Variants in NKAIN2 observed in about 807,000 individuals in gnomAD.
NKAIN2 encodes sodium/potassium-transporting ATPase subunit beta-1-interacting protein 2.
In NKAIN2, 14 loss-of-function variants were observed where a neutral mutation model predicts 32.6. The observed-to-expected ratio is 0.43, with a 90% CI of 0.28 to 0.67. The LOEUF is 0.67. NKAIN2 is among the 30% of genes least tolerant of loss of function. NKAIN2 has a pLI of 0.17. For synonymous variants in NKAIN2, 80 were observed against 87.2 expected, an observed-to-expected ratio of 0.92 and a Z score of 0.46; for missense variants, 198 against 258.3, an observed-to-expected ratio of 0.77 and a Z score of 1.60.
intron 3 of NKAIN2, among the ~76,000 whole-genome samples, chr6:124,644,373 C>A (rs2114369015): frequency 6.6e-6 from 1 of 151,564 alleles, no homozygotes; most frequent in East Asian, 1.9e-4. Flanking sequence ...CGAATGCATC[C>A]AGAGTGTAAA....
At chr6:124,821,832 G>A (rs1237636454) in intron 6 of NKAIN2, among the ~76,000 whole-genome samples, 3 of 152,070 alleles carry the variant, frequency 2.0e-5, no homozygotes, top group Admixed American at 6.6e-5. Context: ...AGGAGACCTC[G>A]GATCCTAGAA....
chr6:124,710,268 G>T (rs1324365561), intron 4 of NKAIN2, among the ~76,000 whole-genome samples: 3 of 151,632 alleles, frequency 2.0e-5, no homozygotes, highest in African/African-American at 7.3e-5. Flanking sequence ...GTCAATTTTG[G>T]AATAGGTGTG....
At chr6:124,000,277 G>A (rs1779821025) in intron 1 of NKAIN2, among the ~76,000 whole-genome samples, 1 of 151,978 alleles carries the variant, frequency 6.6e-6, no homozygotes, top group Non-Finnish European at 1.5e-5. Context: ...AAAAGTCCCA[G>A]ATAAAGTGTA....
At chr6:123,855,826 T>C (rs558631189) in intron 1 of NKAIN2, among the ~76,000 whole-genome samples, 1 of 152,350 alleles carries the variant, frequency 6.6e-6, no homozygotes, top group South Asian at 2.1e-4. Flanking sequence ...ATTGCACTGC[T>C]GAGACGTATG....
Position 124,502,186 on chromosome 6 carries a change from A to G in NKAIN2, c.273+146839A>G, listed in dbSNP as rs1464672718. ...TAAAGATAACAATGTATAGTCACAT[A>G]CTGAATTTCAAGAGGTAACTTGAAA... is the stretch of plus-strand genomic sequence containing the variant. On this transcript the variant is annotated intron_variant, in intron 3 of 6. Coordinates refer to ENST00000368417, the MANE Select transcript of NKAIN2 (RefSeq NM_001040214.3). Among the ~76,000 whole-genome samples, 3 of 152,174 alleles carry G rather than the reference A, an allele frequency of 2.0e-5. No individual in the cohort carries two copies. In the East Asian group the frequency reaches 5.8e-4, roughly 29 times the overall value.
In NKAIN2 at chr6:123,803,998, G is replaced by C. The variant is rs1289275425; in HGVS notation, c.-203G>C. On this transcript the variant is annotated 5_prime_UTR_variant, in exon 1 of 7. Coordinates refer to ENST00000368417, the MANE Select transcript of NKAIN2 (RefSeq NM_001040214.3). ...GAGTGAAGGTATGTGTGGCGGGCGC[G>C]GCTGGAGCTGCCGCCGCCGCCGCCG... is the stretch of plus-strand genomic sequence containing the variant. 3.1e-5 allele frequency: 18 copies of C among 588,896 alleles called. No homozygotes were observed. In the South Asian group the frequency reaches 3.5e-4, roughly 11 times the overall value. The allele number at this position is 588,896 out of a possible 1,614,324, so 36.5% of individuals were successfully genotyped here.
intron 4 of NKAIN2, among the ~76,000 whole-genome samples, chr6:124,742,732 T>A (rs573694337): frequency 3.3e-5 from 5 of 151,902 alleles, no homozygotes; most frequent in African/African-American, 9.6e-5. Flanking sequence ...AAAGTTACAC[T>A]GTGGATCCCA....
chr6:124,203,814 G>A (rs1419853947), intron 1 of NKAIN2, among the ~76,000 whole-genome samples: 1 of 151,772 alleles, frequency 6.6e-6, no homozygotes, highest in Non-Finnish European at 1.5e-5. Context: ...TAAACGGTAT[G>A]AGTTTACTAG....
intron 1 of NKAIN2, among the ~76,000 whole-genome samples, chr6:123,877,158 C>T (rs1298057677): frequency 1.3e-5 from 2 of 151,980 alleles, no homozygotes; most frequent in African/African-American, 2.4e-5. Flanking sequence ...TTTTGATATT[C>T]TGTGGGCCTA....
Position 124,051,346 on chromosome 6 carries a change from A to G in NKAIN2, c.55-231659A>G, listed in dbSNP as rs986035380. 1.2e-4 allele frequency among the ~76,000 whole-genome samples: 19 copies of G among 152,088 alleles called. 1 individual carries two copies. Among genetic ancestry groups the G allele is most frequent in the African/African-American group, 4.6e-4 (19 of 41,430 alleles). On this transcript the variant is annotated intron_variant, in intron 1 of 6. Transcript: ENST00000368417. The stretch of plus-strand genomic sequence containing the variant: ...AAGACAGTTACATGAGAGTTCAGAA[A>G]GAACAATTTTTTAATAATAGTGACT...
chr6:124,542,310 G>A (rs1779941292), intron 3 of NKAIN2, among the ~76,000 whole-genome samples: 1 of 152,120 alleles, frequency 6.6e-6, no homozygotes, highest in South Asian at 2.1e-4. Context: ...GAGAAAGTCT[G>A]GTGATGGGTG....
chr6:123,989,007 T>C (rs1326079503), intron 1 of NKAIN2, among the ~76,000 whole-genome samples: 1 of 152,032 alleles, frequency 6.6e-6, no homozygotes, highest in African/African-American at 2.4e-5. Flanking sequence ...TGCTCTGTTA[T>C]ACTTATTACT....
intron 3 of NKAIN2, among the ~76,000 whole-genome samples, chr6:124,591,455 T>C (rs1055954453): frequency 1.3e-5 from 2 of 152,224 alleles, no homozygotes; most frequent in South Asian, 2.1e-4. Flanking sequence ...GTATGTTCTT[T>C]TGGGGATATT....
At chr6:124,574,106 T>C (rs950010796) in intron 3 of NKAIN2, among the ~76,000 whole-genome samples, 2 of 152,150 alleles carry the variant, frequency 1.3e-5, no homozygotes, top group Non-Finnish European at 2.9e-5. Flanking sequence ...TAGCAGATGT[T>C]GGACTCGCAG....
At chr6:124,182,167 C>T (rs529375448) in intron 1 of NKAIN2, among the ~76,000 whole-genome samples, 9 of 152,230 alleles carry the variant, frequency 5.9e-5, no homozygotes, top group East Asian at 5.8e-4. Flanking sequence ...ATAAAACCAT[C>T]GTATCTCATG....
intron 1 of NKAIN2, among the ~76,000 whole-genome samples, chr6:124,123,416 A>G (rs1263660929): frequency 2.0e-5 from 3 of 152,156 alleles, no homozygotes; most frequent in Admixed American, 6.6e-5. Context: ...TGTAAAGAGT[A>G]GCTAATTCTT....
At chr6:124,688,280 T>C (rs1774087122) in intron 4 of NKAIN2, among the ~76,000 whole-genome samples, 2 of 152,078 alleles carry the variant, frequency 1.3e-5, no homozygotes, top group Non-Finnish European at 2.9e-5. Flanking sequence ...TTTTGAGCCA[T>C]TCCTTTTTCT....
Position 124,740,394 on chromosome 6 carries a change from A to C in NKAIN2, c.475-50945A>C, listed in dbSNP as rs573067639. Among the ~76,000 whole-genome samples, 3 of 151,578 alleles carry C rather than the reference A, an allele frequency of 2.0e-5. No individual in the cohort carries two copies. In the East Asian group the frequency reaches 5.9e-4, roughly 30 times the overall value. On this transcript the variant is annotated intron_variant, in intron 4 of 6. Transcript: ENST00000368417. ...CAAAGACTCTTCCCTCATGGAGCTC[A>C]TATTTCAGCGAAGGAGACAGAAGAT...
At chr6:124,161,782 G>C (rs1788288241) in intron 1 of NKAIN2, among the ~76,000 whole-genome samples, 1 of 152,016 alleles carries the variant, frequency 6.6e-6, no homozygotes, top group Non-Finnish European at 1.5e-5. Flanking sequence ...AATATACATT[G>C]AGGACTACTG....
Sources: allele counts gnomAD v4.1 joint callset (sites outside exome capture counted in the v4.1 genomes callset), GRCh38; gene constraint gnomAD v4.1.1; transcripts MANE v1.5; gene names NCBI Gene and HGNC (gene_info 2026-07-23, HGNC 2026-07-21).